PPP1R12A: variants seen among roughly 807,000 people sequenced by gnomAD.
The protein encoded by PPP1R12A is myosin binding subunit.
In PPP1R12A, 19 loss-of-function variants were observed where a neutral mutation model predicts 139.6. That is an observed-to-expected ratio of 0.14 (90% CI 0.09 to 0.20). PPP1R12A has a LOEUF of 0.20. PPP1R12A is among the 10% of genes least tolerant of loss of function. The pLI is 1.00. For synonymous variants in PPP1R12A, 427 were observed against 420.6 expected (o/e 1.02, Z -0.19); for missense variants, 925 against 1,211.5 (o/e 0.76, Z 3.51).
In PPP1R12A at chr12:79,817,527, GACAA is replaced by G; in HGVS notation, c.1115-13_1115-10del. On this transcript the variant is annotated splice_polypyrimidine_tract_variant and intron_variant, in intron 8 of 24. Coordinates refer to ENST00000450142, the MANE Select transcript of PPP1R12A (RefSeq NM_002480.3). ...CAGGGGTTTTGTCTTATCTATTAAA[GACAA>G]ACAATTAAGAGTCAAGATTCCATAT... 7 of 1,570,180 alleles carry G rather than the reference GACAA, an allele frequency of 4.5e-6. No homozygotes were observed. Among genetic ancestry groups the G allele is most frequent in the Non-Finnish European group, 4.3e-6 (5 of 1,155,614 alleles).
chr12:79,930,576 C>T (rs1016363090), intron 1 of PPP1R12A, among the ~76,000 whole-genome samples: 9 of 152,056 alleles, frequency 5.9e-5, no homozygotes, highest in Admixed American at 5.2e-4. Context: ...AGTTCGAGAC[C>T]AGTCTGATCA....
chr12:79,777,606 T>C, intron 24 of PPP1R12A: 3 of 985,330 alleles, frequency 3.0e-6, no homozygotes, highest in Non-Finnish European at 3.6e-6. Flanking sequence ...CAGCAGTCGC[T>C]CATTTAACTC....
At position 79,775,934 on chromosome 12, in the gene PPP1R12A, TGGAAA is replaced by T. The variant is rs1592593562; in HGVS notation, c.3083_3087del (p.Leu1028GlnfsTer48). On this transcript the variant is annotated frameshift_variant, in exon 25 of 25. Coordinates refer to ENST00000450142, the MANE Select transcript of PPP1R12A (RefSeq NM_002480.3). LOFTEE classifies it high-confidence loss of function. ...ACTTGCTGCTTTTTTTTTTTTTATT[TGGAAA>T]GTTTGCTTATAACTCTGATCAAGGC... 6.4e-7 allele frequency: 1 copy of T among 1,573,212 alleles called. No homozygotes were observed. Among genetic ancestry groups the T allele is most frequent in the Non-Finnish European group, 8.6e-7 (1 of 1,159,408 alleles).
Position 79,797,258 on chromosome 12 carries a change from C to T in PPP1R12A, c.2229G>A (p.Lys743=), listed in dbSNP as rs1333478547. The T allele has an allele frequency of 6.3e-7, 1 of 1,588,234 alleles. No individual in the cohort carries two copies. The change falls in exon 16 of 25, where the codon AAG becomes AAA. Residue 743 remains lysine, a synonymous_variant. Coordinates refer to ENST00000450142, the MANE Select transcript of PPP1R12A (RefSeq NM_002480.3). ...CTTCTCTAGATGTTTCTGACTCCTT[C>T]TTTTCTTCTTGTTTCTCTTTATCTT... The part of the protein sequence containing the change: ...EKQDKEKQEE[K]KESETSREDE...
At chr12:79,861,305 G>A (rs1485251168) in intron 2 of PPP1R12A, among the ~76,000 whole-genome samples, 2 of 152,178 alleles carry the variant, frequency 1.3e-5, no homozygotes, top group East Asian at 1.9e-4. Context: ...TAGCTGCAGT[G>A]GACTGAAACA....
intron 3 of PPP1R12A, among the ~76,000 whole-genome samples, chr12:79,839,672 C>T (rs1254549967): frequency 6.6e-6 from 1 of 152,152 alleles, no homozygotes; most frequent in Non-Finnish European, 1.5e-5. Flanking sequence ...CTTCTCTCTC[C>T]TGCCACCGTG....
intron 1 of PPP1R12A, among the ~76,000 whole-genome samples, chr12:79,894,511 C>G (rs1342398993): frequency 6.6e-6 from 1 of 152,070 alleles, no homozygotes; most frequent in Non-Finnish European, 1.5e-5. Flanking sequence ...CACACAGGTA[C>G]TAAGCTATCA....
intron 1 of PPP1R12A, among the ~76,000 whole-genome samples, chr12:79,907,852 C>A (rs887558189): frequency 1.3e-5 from 2 of 152,148 alleles, no homozygotes; most frequent in African/African-American, 4.8e-5. Context: ...GAATTATGAT[C>A]CTGCTGCTGT....
At chr12:79,815,059 G>A (rs1875167606) in intron 9 of PPP1R12A, among the ~76,000 whole-genome samples, 1 of 152,020 alleles carries the variant, frequency 6.6e-6, no homozygotes, top group Non-Finnish European at 1.5e-5. Flanking sequence ...GAGATTACTG[G>A]CCCACTATAC....
intron 9 of PPP1R12A, 107 bp downstream of exon 9, chr12:79,817,287 C>T: frequency 3.1e-6 from 3 of 972,120 alleles, no homozygotes; most frequent in South Asian, 2.0e-5. Context: ...TGAAATCTTA[C>T]ATATTTTTGG....
At chr12:79,881,196 G>A (rs953517356) in intron 1 of PPP1R12A, among the ~76,000 whole-genome samples, 8 of 152,160 alleles carry the variant, frequency 5.3e-5, no homozygotes, top group African/African-American at 1.9e-4. Flanking sequence ...GAAGAGTCAT[G>A]TGTCTCTCAT....
Position 79,822,121 on chromosome 12 carries a change from T to A in PPP1R12A, c.862A>T (p.Asn288Tyr). The A allele has an allele frequency of 1.9e-6, 3 of 1,556,380 alleles. No individual in the cohort carries two copies. The highest frequency in any genetic ancestry group is 2.6e-6 in the Non-Finnish European group (3 of 1,140,238). ...TTATTAGTCATCAAACATACCAGAT[T>A]TTGTTTCTTTTGCAACTCTTCTAAA... is the stretch of plus-strand genomic sequence containing the variant. ...GYLEELQKKQ[N>Y]LLHSEKRDKK... Residue 288 changes from asparagine to tyrosine, a missense_variant, in exon 6 of 25, where the codon AAT becomes TAT. Physicochemically the swap from Asn to Tyr is moderately radical, Grantham distance 143. Transcript: ENST00000450142.
At chr12:79,813,740 G>C (rs1251916059) in intron 9 of PPP1R12A, among the ~76,000 whole-genome samples, 4 of 152,114 alleles carry the variant, frequency 2.6e-5, no homozygotes, top group Non-Finnish European at 5.9e-5. Context: ...TATTGCTACA[G>C]AAACAGTTCT....
chr12:79,789,339 AC>A (rs1208933930), intron 20 of PPP1R12A, among the ~76,000 whole-genome samples: 3 of 152,200 alleles, frequency 2.0e-5, no homozygotes, highest in African/African-American at 7.2e-5. Flanking sequence ...TTTAAATTGT[AC>A]ACTTCCTCCC....
chr12:79,895,849 T>C (rs929457691), intron 1 of PPP1R12A, among the ~76,000 whole-genome samples: 7 of 152,168 alleles, frequency 4.6e-5, no homozygotes, highest in Non-Finnish European at 8.8e-5. Context: ...AAATATATGA[T>C]TTTAACAGAC....
intron 1 of PPP1R12A, among the ~76,000 whole-genome samples, chr12:79,905,404 A>C (rs1197004505): frequency 2.3e-5 from 3 of 129,300 alleles, no homozygotes; most frequent in Non-Finnish European, 3.1e-5. Context: ...CATTTCTGGC[A>C]ATCATTTTAC....
intron 1 of PPP1R12A, among the ~76,000 whole-genome samples, chr12:79,919,108 T>TA (rs879414320): frequency 1.6e-4 from 24 of 147,296 alleles, no homozygotes; most frequent in East Asian, 4.0e-4. Flanking sequence ...ACTCTTGTCT[T>TA]AAAAAAAAAA....
intron 24 of PPP1R12A, among the ~76,000 whole-genome samples, chr12:79,777,917 C>A (rs1283124160): frequency 6.6e-6 from 1 of 152,128 alleles, no homozygotes; most frequent in Non-Finnish European, 1.5e-5. Flanking sequence ...AATGAAATAT[C>A]TAAATCTTGA....
intron 1 of PPP1R12A, among the ~76,000 whole-genome samples, chr12:79,913,314 T>C (rs552956135): frequency 6.6e-6 from 1 of 152,326 alleles, no homozygotes; most frequent in East Asian, 1.9e-4. Flanking sequence ...TTCCAGAGTA[T>C]CTATTACTTT....
Sources: gnomAD v4.1 joint callset for allele counts (sites outside exome capture counted in the v4.1 genomes callset) on GRCh38, gnomAD v4.1.1 for gene constraint, MANE v1.5 for transcripts, NCBI Gene and HGNC (gene_info 2026-07-23, HGNC 2026-07-21) for gene names.